Variants in ARNT observed in about 807,000 individuals in gnomAD.
ARNT encodes the protein class E basic helix-loop-helix protein 2.
In ARNT, 30 loss-of-function variants were observed where a neutral mutation model predicts 105.0. The observed-to-expected ratio is 0.29, with a 90% CI of 0.21 to 0.39. The LOEUF is 0.39. ARNT is among the 10% of genes least tolerant of loss of function. ARNT has a pLI of 1.00. For synonymous variants in ARNT, 304 were observed against 344.0 expected (o/e 0.88, Z 1.29); for missense variants, 748 against 978.7 (o/e 0.76, Z 3.15).
rs910684092 is a variant in ARNT, at chr1:150,809,828, G to A, written c.*2193C>T. ...CCTCTCTCCCAAGAACCCAGGCAACGCCCACCCCAAAACCCCCACCTCATG... is the reference window on the plus strand; with the variant it reads ...CCTCTCTCCCAAGAACCCAGGCAACACCCACCCCAAAACCCCCACCTCATG... On this transcript the variant is annotated 3_prime_UTR_variant, in exon 22 of 22. Transcript: ENST00000358595. The A allele has an allele frequency of 5.4e-5, 12 of 220,906 alleles. No individual in the cohort carries two copies. Among genetic ancestry groups the A allele is most frequent in the South Asian group, 1.9e-4 (1 of 5,388 alleles). 13.7% of individuals were successfully genotyped at this position (220,906 alleles called of 1,614,324 possible). A position where few individuals can be genotyped will look rare whatever the true frequency, so the allele number is the denominator to read the frequency against.
chr1:150,848,338 C>T (rs1356856163), intron 3 of ARNT, among the ~76,000 whole-genome samples: 5 of 152,032 alleles, frequency 3.3e-5, no homozygotes, highest in Non-Finnish European at 7.4e-5. Flanking sequence ...CGCCTGTAAT[C>T]CCAGCTACTC....
intron 15 of ARNT, 107 bp downstream of exon 15, chr1:150,817,813 C>CAAAAAAA: frequency 1.5e-6 from 1 of 685,160 alleles, no homozygotes; most frequent in Non-Finnish European, 2.2e-6. Context: ...AACTCCTTCT[C>CAAAAAAA]AAAAAAAAAA....
In ARNT at chr1:150,842,444, C is replaced by A; in HGVS notation, c.252G>T (p.Ala84=). ...CCTACCTGGCAAGTCTCTCTTTATC[C>A]GCAGAGCTCTGCTCATCATCCGACC... The part of the protein sequence containing the change: ...FARSDDEQSS[A]DKERLARENH... Residue 84 remains alanine, a synonymous_variant, in exon 5 of 22, where the codon GCG becomes GCT. Transcript: ENST00000358595. 1 of 1,611,756 alleles carries A rather than the reference C, an allele frequency of 6.2e-7. No homozygotes were observed. The highest frequency in any genetic ancestry group is 8.5e-7 in the Non-Finnish European group (1 of 1,178,818).
intron 1 of ARNT, among the ~76,000 whole-genome samples, chr1:150,870,712 T>C (rs1431750754): frequency 1.3e-5 from 2 of 151,978 alleles, no homozygotes; most frequent in Non-Finnish European, 2.9e-5. Flanking sequence ...TTTCACCACG[T>C]TGCCCAGGCT....
At chr1:150,866,854 G>A (rs587602215) in intron 1 of ARNT, among the ~76,000 whole-genome samples, 73 of 152,230 alleles carry the variant, frequency 4.8e-4, no homozygotes, top group African/African-American at 1.7e-3. Context: ...AAGGTAGGAA[G>A]AACAGCAGAT....
intron 2 of ARNT, among the ~76,000 whole-genome samples, chr1:150,854,308 C>T (rs1050438949): frequency 2.6e-5 from 4 of 152,112 alleles, no homozygotes; most frequent in Admixed American, 6.5e-5. Context: ...CTGTAGTCCA[C>T]GCACTTTGGG....
At chr1:150,864,460 T>C (rs1666185999) in intron 1 of ARNT, among the ~76,000 whole-genome samples, 1 of 151,838 alleles carries the variant, frequency 6.6e-6, no homozygotes, top group Non-Finnish European at 1.5e-5. Context: ...ATGTCCTTTG[T>C]AGGGACATGG....
chr1:150,876,414 T>G, intron 1 of ARNT, 129 bp downstream of exon 1: 41 of 1,282,608 alleles, frequency 3.2e-5, no homozygotes, highest in Non-Finnish European at 3.8e-5. Flanking sequence ...TCCCCCACCG[T>G]CTCTCGCGGC....
chr1:150,857,595 G>GCC (rs1315279223), intron 2 of ARNT, among the ~76,000 whole-genome samples: 133 of 152,140 alleles, frequency 8.7e-4, no homozygotes, highest in East Asian at 1.4e-3. Flanking sequence ...AAAAGAAAAA[G>GCC]AAGGAAAAAG....
chr1:150,874,406 ATCTGG>A (rs1667942870), intron 1 of ARNT, among the ~76,000 whole-genome samples: 1 of 152,244 alleles, frequency 6.6e-6, no homozygotes, highest in South Asian at 2.1e-4. Context: ...CAAAAAAGAA[ATCTGG>A]TCAAAGTGTC....
chr1:150,815,050 T>C (rs188387198), intron 19 of ARNT, among the ~76,000 whole-genome samples: 4 of 152,248 alleles, frequency 2.6e-5, no homozygotes, highest in Non-Finnish European at 5.9e-5. Context: ...ATGGTTAACA[T>C]GTTTGGATAA....
intron 3 of ARNT, among the ~76,000 whole-genome samples, chr1:150,851,365 ACAGCT>A (rs1663487554): frequency 1.3e-5 from 2 of 152,216 alleles, no homozygotes; most frequent in South Asian, 4.1e-4. Flanking sequence ...GGTGTACCCA[ACAGCT>A]CATTGAGAAC....
chr1:150,850,243 CTCTCCCTCTCCA>C (rs1249233691), intron 3 of ARNT, among the ~76,000 whole-genome samples: 1 of 151,842 alleles, frequency 6.6e-6, no homozygotes, highest in Non-Finnish European at 1.5e-5. Flanking sequence ...AAAATTAGCC[CTCTCCCTCTCCA>C]TCTCCCTCTC....
At chr1:150,830,442 C>T (rs188742655) in intron 10 of ARNT, 7 of 153,746 alleles carry the variant, frequency 4.6e-5, no homozygotes, top group Admixed American at 3.2e-4. Flanking sequence ...TAAGAATAAA[C>T]AAGTATATAA....
chr1:150,817,084 G>A lies in ARNT; in HGVS notation c.1697C>T (p.Ala566Val), dbSNP rs115472527. 1.7e-4 allele frequency: 269 copies of A among 1,614,038 alleles called. 1 individual carries two copies. The African/African-American group carries it at 2.9e-3, about 18-fold the overall frequency. ...RFSEIYHNINADQSKGISSST... is the reference protein window; with the variant it reads ...RFSEIYHNINVDQSKGISSST... ...AGGATAATGAGAAAGAAACATACCC[G>A]CATTGATGTTGTGATAGATTTCTGA... is the stretch of plus-strand genomic sequence containing the variant. Residue 566 changes from alanine (A) to valine (V), a missense_variant and splice_region_variant, in exon 17 of 22, where the codon GCG becomes GTG. Coordinates refer to ENST00000358595, the MANE Select transcript of ARNT (RefSeq NM_001668.4).
chr1:150,818,293 A>C (rs2095346077), intron 14 of ARNT: 2 of 336,554 alleles, frequency 5.9e-6, no homozygotes, highest in African/African-American at 2.1e-5. Flanking sequence ...GTTATTGTGA[A>C]TGTGTGTATA....
At chr1:150,839,340 C>CT in intron 6 of ARNT, 101 bp downstream of exon 6, 1 of 1,212,972 alleles carries the variant, frequency 8.2e-7, no homozygotes, top group South Asian at 1.4e-5. Flanking sequence ...TTCCCATTGT[C>CT]TGACTTCTTC....
intron 4 of ARNT, among the ~76,000 whole-genome samples, chr1:150,844,507 G>A (rs1194483809): frequency 4.6e-5 from 7 of 151,964 alleles, no homozygotes. Flanking sequence ...TACATCAACG[G>A]TTCTTAAAGT....
chr1:150,855,380 C>G (rs1159967066), intron 2 of ARNT, among the ~76,000 whole-genome samples: 2 of 151,496 alleles, frequency 1.3e-5, no homozygotes, highest in East Asian at 3.9e-4. Context: ...TGGTAAAACC[C>G]CGTCTCTACT....
Sources: allele counts gnomAD v4.1 joint callset (sites outside exome capture counted in the v4.1 genomes callset), GRCh38; gene constraint gnomAD v4.1.1; transcripts MANE v1.5; gene names NCBI Gene and HGNC (gene_info 2026-07-23, HGNC 2026-07-21).